Variants in ANKRD31 observed in about 807,000 individuals in gnomAD.
ANKRD31 encodes ankyrin repeat domain 31, also known as ankyrin repeat domain-containing protein 31.
In ANKRD31, 147 loss-of-function variants were observed where a neutral mutation model predicts 186.0. The ratio of observed to expected loss-of-function variants is 0.79; its 90% CI spans 0.69 to 0.91. The LOEUF (loss-of-function observed/expected upper bound fraction) is 0.91, where lower values mean the gene tolerates loss of function less well. Ranked by LOEUF, ANKRD31 falls within the 40% of genes least tolerant of loss-of-function variation. ANKRD31 has a pLI of 0.00. For synonymous variants in ANKRD31, 673 were observed against 736.4 expected, an observed-to-expected ratio of 0.91 and a Z score of 1.39; for missense variants, 1,986 against 2,148.8, an observed-to-expected ratio of 0.92 and a Z score of 1.50.
chr5:75,178,214 G>A (rs979123161), intron 10 of ANKRD31, among the ~76,000 whole-genome samples: 1 of 152,118 alleles, frequency 6.6e-6, no homozygotes, highest in African/African-American at 2.4e-5. Flanking sequence ...CCCAATACAG[G>A]AGCACCCAGA....
At chr5:75,233,001 C>T (rs190989498) in intron 1 of ANKRD31, among the ~76,000 whole-genome samples, 1 of 152,170 alleles carries the variant, frequency 6.6e-6, no homozygotes, top group African/African-American at 2.4e-5. Flanking sequence ...ACAACTGCCT[C>T]TCTTTGTTTA....
chr5:75,171,059 A>C (rs9654428), intron 10 of ANKRD31, among the ~76,000 whole-genome samples: 76,665 of 151,842 alleles, frequency 0.5, 22,301 homozygotes, highest in African/African-American at 0.81. Context: ...TCTCTAAAAA[A>C]AAATGGATCA....
Position 75,226,985 on chromosome 5 carries a change from GT to G in ANKRD31, c.178+3576del, listed in dbSNP as rs374141433. Among the ~76,000 whole-genome samples, 251 of 147,836 alleles carry G rather than the reference GT, an allele frequency of 1.7e-3. 2 individuals carry two copies. In the East Asian group the frequency reaches 0.027, roughly 16 times the overall value. On this transcript the variant is annotated intron_variant, in intron 2 of 25. Transcript: ENST00000506364. ...TCAAAGAGATATCTGCACTCCCACG[GT>G]TTTTTTTTTAGCACTATCCACAATA...
At chr5:75,145,917 A>G (rs1751398235) in intron 14 of ANKRD31, 70 bp downstream of exon 14, 2 of 1,284,336 alleles carry the variant, frequency 1.6e-6, no homozygotes, top group East Asian at 5.2e-5. Context: ...AATACAATTC[A>G]GTTGGAAATT....
intron 24 of ANKRD31, among the ~76,000 whole-genome samples, chr5:75,083,780 T>C (rs1402053421): frequency 2.6e-5 from 4 of 151,370 alleles, no homozygotes; most frequent in African/African-American, 9.7e-5. Context: ...CATCAAAGGA[T>C]GAGTGGACAA....
At chr5:75,069,929 G>A (rs901794319) in intron 25 of ANKRD31, among the ~76,000 whole-genome samples, 2 of 152,134 alleles carry the variant, frequency 1.3e-5, no homozygotes, top group Non-Finnish European at 1.5e-5. Context: ...TTAGGATGGC[G>A]CCAAAATGAG....
chr5:75,091,262 T>G lies in ANKRD31; in HGVS notation c.5471A>C (p.Lys1824Thr), dbSNP rs566730750. Residue 1824 changes from lysine (K) to threonine (T), a missense_variant and splice_region_variant, in exon 23 of 26, where the codon AAG becomes ACG. Lys to Thr is a moderately conservative substitution (Grantham distance 78, BLOSUM62 -1). Coordinates refer to ENST00000506364, the MANE Select transcript of ANKRD31 (RefSeq NM_001372053.1). Reference sequence around the variant, plus strand: ...AAGATAAACTTAAGAATGACCCACCTTACTCCAAGCATAATTCCAGGTCAC... The same window carrying G: ...AAGATAAACTTAAGAATGACCCACCGTACTCCAAGCATAATTCCAGGTCAC... ...SYVTWNYAWS[K>T]VTYLGKELLR... The G allele has an allele frequency of 6.5e-7, 1 of 1,534,820 alleles. No homozygotes were observed. The highest frequency in any genetic ancestry group is 2.0e-5 in the Admixed American group (1 of 50,080).
At chr5:75,199,593 C>A in intron 6 of ANKRD31, 38 bp downstream of exon 6, 1 of 1,465,424 alleles carries the variant, frequency 6.8e-7, no homozygotes, top group South Asian at 1.3e-5. Flanking sequence ...AATCTAAACT[C>A]ACAGTCTACA....
At chr5:75,174,424 A>T (rs1419567549) in intron 10 of ANKRD31, among the ~76,000 whole-genome samples, 1 of 152,174 alleles carries the variant, frequency 6.6e-6, no homozygotes, top group Non-Finnish European at 1.5e-5. Flanking sequence ...AGAAACTACC[A>T]TCAGAGTGAA....
chr5:75,197,576 A>G (rs2150254817), intron 6 of ANKRD31, among the ~76,000 whole-genome samples: 2 of 152,310 alleles, frequency 1.3e-5, no homozygotes, highest in Middle Eastern at 6.8e-3. Flanking sequence ...TTTGTTAGCA[A>G]TGCTAACTAT....
At chr5:75,235,525 T>C (rs1294504411) in intron 1 of ANKRD31, among the ~76,000 whole-genome samples, 1 of 152,138 alleles carries the variant, frequency 6.6e-6, no homozygotes, top group East Asian at 1.9e-4. Flanking sequence ...AACCATCCAG[T>C]GGGCACAGAC....
intron 10 of ANKRD31, among the ~76,000 whole-genome samples, chr5:75,176,983 G>GA (rs1036277396): frequency 6.6e-6 from 1 of 151,992 alleles, no homozygotes; most frequent in East Asian, 1.9e-4. Context: ...TAAAAACTAT[G>GA]AAAAAAAATT....
In ANKRD31 at chr5:75,148,472, A is replaced by T; in HGVS notation, c.1905+104T>A. The T allele has an allele frequency of 5.2e-6, 4 of 766,900 alleles. No homozygotes were observed. In the South Asian group the frequency reaches 7.0e-5, roughly 13 times the overall value. The allele number at this position is 766,900 out of a possible 1,614,324, so 47.5% of individuals were successfully genotyped here. Reference sequence around the variant, plus strand: ...GTGTCTTAAAAGCAAATGTGAAGTCATTATTACTAAAGCTTCAGCAGTCTT... The same window carrying T: ...GTGTCTTAAAAGCAAATGTGAAGTCTTTATTACTAAAGCTTCAGCAGTCTT... On this transcript the variant is annotated intron_variant, in intron 13 of 25. Transcript: ENST00000506364.
At chr5:75,114,607 C>T (rs1162054848) in intron 19 of ANKRD31, among the ~76,000 whole-genome samples, 1 of 152,050 alleles carries the variant, frequency 6.6e-6, no homozygotes, top group Non-Finnish European at 1.5e-5. Flanking sequence ...TTCTTATACA[C>T]CAACAACAGA....
intron 4 of ANKRD31, among the ~76,000 whole-genome samples, chr5:75,207,727 A>C (rs969153613): frequency 4.6e-5 from 7 of 152,118 alleles, no homozygotes; most frequent in Non-Finnish European, 8.8e-5. Context: ...ATAAAGCCTA[A>C]AGTAAAACGT....
intron 10 of ANKRD31, among the ~76,000 whole-genome samples, chr5:75,180,474 G>C (rs201117110): frequency 7.2e-5 from 11 of 152,210 alleles, no homozygotes; most frequent in African/African-American, 1.7e-4. Context: ...TGCTACCTGA[G>C]TTCAAAGTAT....
At chr5:75,139,933 C>T (rs1308619289) in intron 15 of ANKRD31, among the ~76,000 whole-genome samples, 2 of 152,162 alleles carry the variant, frequency 1.3e-5, no homozygotes, top group Admixed American at 6.6e-5. Context: ...AACCACTTCT[C>T]TTATCCCAGA....
intron 25 of ANKRD31, among the ~76,000 whole-genome samples, chr5:75,071,873 C>T (rs1744259764): frequency 6.6e-6 from 1 of 152,150 alleles, no homozygotes; most frequent in African/African-American, 2.4e-5. Context: ...ATGGCACTGG[C>T]AGTTCCTAGA....
chr5:75,080,666 T>A, intron 24 of ANKRD31, 27 bp from the exon 25 acceptor site: 1 of 1,505,482 alleles, frequency 6.6e-7, no homozygotes, highest in Non-Finnish European at 8.9e-7. Flanking sequence ...ACGTTAGTAA[T>A]AATTTTGCTG....
Sources: allele counts gnomAD v4.1 joint callset (sites outside exome capture counted in the v4.1 genomes callset), GRCh38; gene constraint gnomAD v4.1.1; transcripts MANE v1.5; gene names NCBI Gene and HGNC (gene_info 2026-07-23, HGNC 2026-07-21).